CDADC1: variants seen among roughly 807,000 people sequenced by gnomAD.
CDADC1 encodes the protein dCTP deaminase.
CDADC1 carries 39 observed loss-of-function variants against 54.9 expected under a neutral mutation model. That is an observed-to-expected ratio of 0.71 (90% CI 0.55 to 0.93). CDADC1 has a LOEUF of 0.93. Among genes scored for constraint, CDADC1 ranks in the 40% least tolerant of loss-of-function variants. The pLI is 0.00. For missense variants in CDADC1, 518 were observed against 618.8 expected (o/e 0.84, Z 1.73); for synonymous variants, 186 against 204.0 (o/e 0.91, Z 0.75).
Position 49,292,564 on chromosome 13 carries a change from A to T in CDADC1, c.*807A>T, listed in dbSNP as rs1305226029. On this transcript the variant is annotated 3_prime_UTR_variant, in exon 10 of 10. Coordinates refer to ENST00000251108, the MANE Select transcript of CDADC1 (RefSeq NM_030911.4). ...TCCCCCATATAGTCTTCCCTTCTGT[A>T]TAATTAACATAGGTTGTCTCATGGC... 4 of 1,142,222 alleles carry T rather than the reference A, an allele frequency of 3.5e-6. No individual in the cohort carries two copies. The highest frequency in any genetic ancestry group is 4.3e-6 in the Non-Finnish European group (4 of 919,822). The allele number at this position is 1,142,222 out of a possible 1,614,324, so 70.8% of individuals were successfully genotyped here.
chr13:49,248,487 G>T, intron 1 of CDADC1: 1 of 335,304 alleles, frequency 3.0e-6, no homozygotes, highest in Non-Finnish European at 5.5e-6. Context: ...CATTTTTCGG[G>T]TTGTGTTCTA....
chr13:49,279,297 T>C (rs146572410), intron 7 of CDADC1, among the ~76,000 whole-genome samples: 42 of 152,196 alleles, frequency 2.8e-4, no homozygotes, highest in African/African-American at 9.6e-4. Context: ...CTGCGGACAT[T>C]CTGGAGCTGC....
chr13:49,272,436 G>C (rs1034333423), intron 5 of CDADC1, among the ~76,000 whole-genome samples: 7 of 152,092 alleles, frequency 4.6e-5, no homozygotes, highest in Non-Finnish European at 7.4e-5. Context: ...GTAGAAGGAA[G>C]TCATCTCGTG....
intron 2 of CDADC1, among the ~76,000 whole-genome samples, chr13:49,254,609 G>T (rs1431369830): frequency 2.0e-5 from 3 of 152,020 alleles, no homozygotes; most frequent in African/African-American, 7.2e-5. Flanking sequence ...CACTATGTTG[G>T]CCAGGCTGGT....
rs147932945 is a variant in CDADC1, at chr13:49,252,144, T to C, written c.177+3179T>C. Among the ~76,000 whole-genome samples the C allele has an allele frequency of 3.1e-3, 475 of 152,344 alleles. 2 individuals are homozygous for C. Among genetic ancestry groups the C allele is most frequent in the African/African-American group, 0.01 (431 of 41,580 alleles). ...TTGGCTATATGAAAGGTTATCACTC[T>C]TAGCTCCTGGTCCTGGAGCATGCCC... On this transcript the variant is annotated intron_variant, in intron 2 of 9. Transcript: ENST00000251108.
chr13:49,252,213 T>C (rs1168795763), intron 2 of CDADC1, among the ~76,000 whole-genome samples: 2 of 152,152 alleles, frequency 1.3e-5, no homozygotes, highest in Non-Finnish European at 2.9e-5. Context: ...TGTGCTCCCA[T>C]ACCCATGTGT....
At chr13:49,278,322 C>T (rs1953205580) in intron 6 of CDADC1, 28 bp from the exon 7 acceptor site, 2 of 1,461,150 alleles carry the variant, frequency 1.4e-6, no homozygotes, top group Non-Finnish European at 1.8e-6. Context: ...AATGTTGAAA[C>T]TAACCATTGG....
chr13:49,272,925 T>C (rs975626509), intron 5 of CDADC1, among the ~76,000 whole-genome samples: 1 of 152,190 alleles, frequency 6.6e-6, no homozygotes, highest in Non-Finnish European at 1.5e-5. Flanking sequence ...GCCAAGCAGG[T>C]TGGATCTGGA....
intron 9 of CDADC1, among the ~76,000 whole-genome samples, chr13:49,289,883 A>G (rs1953648235): frequency 6.6e-6 from 1 of 152,022 alleles, no homozygotes; most frequent in African/African-American, 2.4e-5. Context: ...CATCTCTACA[A>G]AAGATACAAA....
chr13:49,267,121 AC>A (rs1182326540), intron 4 of CDADC1, among the ~76,000 whole-genome samples: 1 of 152,180 alleles, frequency 6.6e-6, no homozygotes, highest in East Asian at 1.9e-4. Context: ...CAACTCTGCC[AC>A]ACGAAAGCAC....
At chr13:49,278,589 A>C (rs1953216066) in intron 7 of CDADC1, 70 bp downstream of exon 7, 2 of 1,102,104 alleles carry the variant, frequency 1.8e-6, no homozygotes, top group Non-Finnish European at 2.5e-6. Flanking sequence ...ATTTTCTTAT[A>C]ATTGTAATTT....
At chr13:49,264,289 A>G (rs1310313260) in intron 4 of CDADC1, among the ~76,000 whole-genome samples, 2 of 152,226 alleles carry the variant, frequency 1.3e-5, no homozygotes, top group East Asian at 1.9e-4. Context: ...GCATGATTAT[A>G]TAACATGAAG....
At chr13:49,264,069 G>T (rs1308594455) in intron 4 of CDADC1, among the ~76,000 whole-genome samples, 1 of 152,160 alleles carries the variant, frequency 6.6e-6, no homozygotes, top group Non-Finnish European at 1.5e-5. Flanking sequence ...AAACTGTTAG[G>T]CACAGGGCTA....
Position 49,250,371 on chromosome 13 carries a change from G to A in CDADC1, c.177+1406G>A, listed in dbSNP as rs192752389. Among the ~76,000 whole-genome samples the A allele has an allele frequency of 4.0e-3, 609 of 152,288 alleles. 4 individuals are homozygous for A. The highest frequency in any genetic ancestry group is 6.9e-3 in the Non-Finnish European group (471 of 68,026). ...ATTTTCTAATGAGTAGAAACACTAG[G>A]CATTTAAACAATTAAAACAGAATTG... On this transcript the variant is annotated intron_variant, in intron 2 of 9. Coordinates refer to ENST00000251108, the MANE Select transcript of CDADC1 (RefSeq NM_030911.4).
intron 2 of CDADC1, 140 bp from the exon 3 acceptor site, chr13:49,255,699 G>C: frequency 1.0e-6 from 1 of 967,698 alleles, no homozygotes; most frequent in Non-Finnish European, 1.5e-6. Flanking sequence ...TCCAAACAAA[G>C]TGGGAAGTCA....
intron 4 of CDADC1, among the ~76,000 whole-genome samples, chr13:49,263,303 G>T (rs1952728728): frequency 6.6e-6 from 1 of 152,166 alleles, no homozygotes. Flanking sequence ...TCTATTATGA[G>T]CCTGACAGCA....
At position 49,259,532 on chromosome 13, in the gene CDADC1, A is replaced by T. The variant is rs1382654305; in HGVS notation, c.430+9A>T. On this transcript the variant is annotated intron_variant, in intron 4 of 9. Transcript: ENST00000251108. Reference sequence around the variant, plus strand: ...GAAAATGATTGTAAATGGTAAGTGCAGAAAAGGGTTTGTTGGGGATTAAGA... The same window carrying T: ...GAAAATGATTGTAAATGGTAAGTGCTGAAAAGGGTTTGTTGGGGATTAAGA... 1 of 1,612,752 alleles carries T rather than the reference A, an allele frequency of 6.2e-7. No individual in the cohort carries two copies. The highest frequency in any genetic ancestry group is 1.3e-5 in the African/African-American group (1 of 74,884).
chr13:49,275,895 A>G lies in CDADC1; in HGVS notation c.1050+1555A>G, dbSNP rs570830802. 5.9e-4 allele frequency among the ~76,000 whole-genome samples: 89 copies of G among 151,012 alleles called. 1 individual carries two copies. The East Asian group carries it at 0.015, about 26-fold the overall frequency. On this transcript the variant is annotated intron_variant, in intron 6 of 9. Coordinates refer to ENST00000251108, the MANE Select transcript of CDADC1 (RefSeq NM_030911.4). ...GCAATTCTCCTGTCTCAGCCTCCCC[A>G]GTAGCTGGGACTACAGGTGTGTGCC...
chr13:49,253,691 T>C (rs185145643), intron 2 of CDADC1, among the ~76,000 whole-genome samples: 6 of 152,296 alleles, frequency 3.9e-5, no homozygotes, highest in African/African-American at 1.2e-4. Context: ...GTTGTTGTTG[T>C]CTCCTTATTT....
Sources: allele counts gnomAD v4.1 joint callset (sites outside exome capture counted in the v4.1 genomes callset), GRCh38; gene constraint gnomAD v4.1.1; transcripts MANE v1.5; gene names NCBI Gene and HGNC (gene_info 2026-07-23, HGNC 2026-07-21).